Variants in MTBP observed in about 807,000 individuals in gnomAD.
MTBP encodes the protein MDM2 binding protein.
Under a neutral mutation model 117.0 loss-of-function variants are expected in MTBP, and 101 were observed. The ratio of observed to expected loss-of-function variants is 0.86; its 90% CI spans 0.73 to 1.02. The LOEUF (loss-of-function observed/expected upper bound fraction) is 1.02, where lower values mean the gene tolerates loss of function less well. Among genes scored for constraint, MTBP ranks in the 50% least tolerant of loss-of-function variants. MTBP has a pLI of 0.00. For missense variants in MTBP, 970 were observed against 1,030.9 expected (o/e 0.94, Z 0.81); for synonymous variants, 350 against 351.5 (o/e 1.00, Z 0.05).
At chr8:120,511,218 T>C (rs1159926150) in intron 17 of MTBP, among the ~76,000 whole-genome samples, 3 of 152,218 alleles carry the variant, frequency 2.0e-5, no homozygotes, top group Non-Finnish European at 4.4e-5. Flanking sequence ...GTTTCCCAAA[T>C]AGCCTTAAAT....
Position 120,464,820 on chromosome 8 carries a change from A to G in MTBP, c.1047+1059A>G, listed in dbSNP as rs77865992. Among the ~76,000 whole-genome samples the G allele has an allele frequency of 3.8e-3, 584 of 152,154 alleles. 2 individuals carry two copies. Among genetic ancestry groups the G allele is most frequent in the African/African-American group, 0.013 (558 of 41,520 alleles). The stretch of plus-strand genomic sequence containing the variant: ...GAAATTTTAAAATTTATCTTTTATC[A>G]TTTATCCAACATATATTCTACTGTG... On this transcript the variant is annotated intron_variant, in intron 10 of 21. Transcript: ENST00000305949.
At chr8:120,455,386 T>G (rs939677136) in intron 5 of MTBP, 49 bp from the exon 6 acceptor site, 2 of 1,244,928 alleles carry the variant, frequency 1.6e-6, no homozygotes, top group Non-Finnish European at 2.3e-6. Context: ...TTGAGACATT[T>G]CAGATCTAAC....
At chr8:120,455,017 A>G (rs944994698) in intron 5 of MTBP, among the ~76,000 whole-genome samples, 1 of 151,794 alleles carries the variant, frequency 6.6e-6, no homozygotes, top group African/African-American at 2.4e-5. Context: ...GCACTTATTC[A>G]TTCTCTTTTG....
rs1237146327 is a variant in MTBP, at chr8:120,456,617, G to A, written c.694G>A (p.Val232Ile). 2 of 1,602,120 alleles carry A rather than the reference G, an allele frequency of 1.2e-6. No individual in the cohort carries two copies. The highest frequency in any genetic ancestry group is 8.5e-7 in the Non-Finnish European group (1 of 1,172,510). ...TGTATCTTTAGAAGATCTCAGAAAT[G>A]TTATTGACTCAAAGGAATTATGGAG... ...NVVSLEDLRN[V>I]IDSKELWRGK... is the part of the protein sequence containing the mutation. The change falls in exon 7 of 22, where the codon GTT (valine) becomes ATT (isoleucine). Residue 232 changes from valine to isoleucine, a missense_variant. Transcript: ENST00000305949.
intron 9 of MTBP, among the ~76,000 whole-genome samples, chr8:120,463,004 A>C (rs1006486654): frequency 2.0e-5 from 3 of 152,078 alleles, no homozygotes; most frequent in Non-Finnish European, 4.4e-5. Context: ...TTTTGCTACC[A>C]TTATGTTAAG....
At chr8:120,468,884 C>T (rs1436677348) in intron 10 of MTBP, among the ~76,000 whole-genome samples, 1 of 152,032 alleles carries the variant, frequency 6.6e-6, no homozygotes, top group Non-Finnish European at 1.5e-5. Context: ...GGTCCAACCA[C>T]CAGGCTAGTC....
At chr8:120,507,809 C>T (rs1008068273) in intron 16 of MTBP, among the ~76,000 whole-genome samples, 7 of 151,786 alleles carry the variant, frequency 4.6e-5, no homozygotes, top group African/African-American at 1.7e-4. Flanking sequence ...AATTTTTTTC[C>T]CATAACTTTG....
chr8:120,509,604 C>T (rs1378265933), intron 16 of MTBP, among the ~76,000 whole-genome samples: 1 of 151,894 alleles, frequency 6.6e-6, no homozygotes, highest in Non-Finnish European at 1.5e-5. Flanking sequence ...TCCGTCCCCA[C>T]CGCCCCCCCA....
rs764364471 is a variant in MTBP, at chr8:120,502,537, A to G, written c.1655A>G (p.Asn552Ser). The G allele has an allele frequency of 1.9e-6, 3 of 1,606,940 alleles. No homozygotes were observed. Among genetic ancestry groups the G allele is most frequent in the African/African-American group, 2.7e-5 (2 of 74,688 alleles). Residue 552 changes from asparagine (N) to serine (S), a missense_variant, in exon 15 of 22, where the codon AAT becomes AGT. Asn to Ser is a conservative substitution (Grantham distance 46, BLOSUM62 1). Transcript: ENST00000305949. ...EPNSSSLMET[N>S]PLEWPERHVL... ...AATTCCTCAAGTCTAATGGAAACCA[A>G]TCCTCTGGAATGGCCAGAAAGGCAT...
At chr8:120,484,313 C>G (rs530689145) in intron 11 of MTBP, among the ~76,000 whole-genome samples, 1 of 152,084 alleles carries the variant, frequency 6.6e-6, no homozygotes, top group South Asian at 2.1e-4. Context: ...TGTTCTAAAA[C>G]TGCAGTTTAT....
Position 120,516,633 on chromosome 8 carries a change from C to A in MTBP, c.2246+442C>A, listed in dbSNP as rs184400199. Among the ~76,000 whole-genome samples the A allele has an allele frequency of 1.0e-3, 158 of 152,112 alleles. 4 individuals carry two copies. The East Asian group carries it at 0.024, about 23-fold the overall frequency. On this transcript the variant is annotated intron_variant, in intron 18 of 21. Coordinates refer to ENST00000305949, the MANE Select transcript of MTBP (RefSeq NM_022045.5). The stretch of plus-strand genomic sequence containing the variant: ...GTTACATATAAAATATAGCTTTAAA[C>A]ACTGCATAATGATAGAATATATGAA...
In MTBP at chr8:120,516,097, C is replaced by A; in HGVS notation, c.2152C>A (p.Pro718Thr). Residue 718 changes from proline (P) to threonine (T), a missense_variant, in exon 18 of 22, where the codon CCT (proline) becomes ACT (threonine). Coordinates refer to ENST00000305949, the MANE Select transcript of MTBP (RefSeq NM_022045.5). ...PVVSSDPGSV[P>T]DGEVLQNELR... The stretch of plus-strand genomic sequence containing the variant: ...AGTTTCGTCAGATCCTGGAAGTGTC[C>A]CTGACGGAGAAGTTTTACAAAATGA... 6.2e-7 allele frequency: 1 copy of A among 1,612,888 alleles called. No homozygotes were observed. The highest frequency in any genetic ancestry group is 8.5e-7 in the Non-Finnish European group (1 of 1,179,176).
chr8:120,516,657 A>C (rs1001971691), intron 18 of MTBP, among the ~76,000 whole-genome samples: 6 of 152,064 alleles, frequency 3.9e-5, no homozygotes, highest in African/African-American at 1.2e-4. Flanking sequence ...AGAATATATG[A>C]AACTTTTCTG....
At position 120,445,569 on chromosome 8, in the gene MTBP, G is replaced by A. The variant is rs762492925; in HGVS notation, c.99G>A (p.Glu33=). The change falls in exon 1 of 22, where the codon GAG becomes GAA. Residue 33 remains glutamate (E), a synonymous_variant. Coordinates refer to ENST00000305949, the MANE Select transcript of MTBP (RefSeq NM_022045.5). ...AEHGPEVSSG[E]GTENQPDFTA... ...ATGGGCCAGAGGTGTCGTCGGGTGAGGGTACTGAGAATCAGCCGGGTAAGC... is the reference window on the plus strand; with the variant it reads ...ATGGGCCAGAGGTGTCGTCGGGTGAAGGTACTGAGAATCAGCCGGGTAAGC... 13 of 1,610,170 alleles carry A rather than the reference G, an allele frequency of 8.1e-6. No individual in the cohort carries two copies. The highest frequency in any genetic ancestry group is 1.3e-5 in the African/African-American group (1 of 74,624).
At chr8:120,510,919 A>G (rs907162269) in intron 17 of MTBP, among the ~76,000 whole-genome samples, 1 of 151,862 alleles carries the variant, frequency 6.6e-6, no homozygotes, top group African/African-American at 2.4e-5. Context: ...AAGAAAAAAA[A>G]AAAAAAAAAG....
In MTBP at chr8:120,516,207, CACATA is replaced by C. The variant is rs776095922; in HGVS notation, c.2246+18_2246+22del. The stretch of plus-strand genomic sequence containing the variant: ...CCAGAAAAAGGTGATATATTACATG[CACATA>C]AATAGTATATTGACAGAAAGTATTT... On this transcript the variant is annotated intron_variant, in intron 18 of 21. Coordinates refer to ENST00000305949, the MANE Select transcript of MTBP (RefSeq NM_022045.5). The C allele has an allele frequency of 6.3e-7, 1 of 1,584,784 alleles. No individual in the cohort carries two copies.
At chr8:120,488,044 C>T (rs1814254868) in intron 11 of MTBP, 115 bp from the exon 12 acceptor site, 1 of 767,552 alleles carries the variant, frequency 1.3e-6, no homozygotes, top group Non-Finnish European at 1.9e-6. Flanking sequence ...AATGTATTAA[C>T]AGCTTGTTTT....
At chr8:120,521,331 T>C (rs1250159247) in intron 20 of MTBP, among the ~76,000 whole-genome samples, 2 of 152,184 alleles carry the variant, frequency 1.3e-5, no homozygotes, top group African/African-American at 2.4e-5. Context: ...ATAACCATAA[T>C]ACATTAATTA....
chr8:120,519,738 A>G (rs775637630), intron 20 of MTBP, among the ~76,000 whole-genome samples: 31 of 152,166 alleles, frequency 2.0e-4, no homozygotes, highest in Non-Finnish European at 4.3e-4. Flanking sequence ...TGTTAATTCC[A>G]CAGAAGCTGA....
Sources: allele counts gnomAD v4.1 joint callset (sites outside exome capture counted in the v4.1 genomes callset), GRCh38; gene constraint gnomAD v4.1.1; transcripts MANE v1.5; gene names NCBI Gene and HGNC (gene_info 2026-07-23, HGNC 2026-07-21).